PSD4: variants seen among roughly 807,000 people sequenced by gnomAD.
PSD4 encodes the protein PH and SEC7 domain-containing protein 4.
PSD4 carries 59 observed loss-of-function variants against 112.5 expected under a neutral mutation model. The ratio of observed to expected loss-of-function variants is 0.52; its 90% confidence interval spans 0.43 to 0.65. PSD4 has a LOEUF of 0.65. Among genes scored for constraint, PSD4 ranks in the 30% least tolerant of loss-of-function variants. The probability of loss-of-function intolerance (pLI) is 0.00; values close to 1 mark genes in which losing one functional copy is unlikely to be tolerated. For missense variants in PSD4, 1,267 were observed against 1,352.6 expected, an observed-to-expected ratio of 0.94 and a Z score of 0.99; for synonymous variants, 533 against 540.0, an observed-to-expected ratio of 0.99 and a Z score of 0.18.
In PSD4 at chr2:113,183,422, G is replaced by A; in HGVS notation, c.966G>A (p.Val322=). 6.3e-7 allele frequency: 1 copy of A among 1,576,084 alleles called. No individual in the cohort carries two copies. Among genetic ancestry groups the A allele is most frequent in the Non-Finnish European group, 8.6e-7 (1 of 1,162,762 alleles). The stretch of plus-strand genomic sequence containing the variant: ...GGCATTGTACCCCTCCATTCCCTGT[G>A]CCCATCTATAAACCACACTCCATCT... ...ISGHCTPPFP[V]PIYKPHSICW... The change falls in exon 2 of 17, where the codon GTG becomes GTA. Residue 322 remains valine (V), a synonymous_variant. Transcript: ENST00000245796.
chr2:113,208,309 T>C lies in PSD4; in HGVS notation c.*6894T>C, dbSNP rs764438723. ...TCTAAGCCTTCAACTCTCATCTCTG[T>C]TCTGAATTTCAGACCTGGAATTCTA... On this transcript the variant is annotated 3_prime_UTR_variant, in exon 17 of 17. Transcript: ENST00000245796. 6.6e-6 allele frequency: 1 copy of C among 152,246 alleles called. No homozygotes were observed. Among genetic ancestry groups the C allele is most frequent in the Non-Finnish European group, 1.5e-5 (1 of 68,046 alleles). 9.4% of individuals were successfully genotyped at this position (152,246 alleles called of 1,614,324 possible). A position where few individuals can be genotyped will look rare whatever the true frequency, so the allele number is the denominator to read the frequency against.
intron 5 of PSD4, among the ~76,000 whole-genome samples, chr2:113,187,663 G>A (rs1488811854): frequency 2.6e-5 from 4 of 152,088 alleles, no homozygotes; most frequent in East Asian, 1.9e-4. Context: ...CCCCCACAAC[G>A]TCACAATCAG....
chr2:113,187,810 C>T (rs1688339691), intron 5 of PSD4, among the ~76,000 whole-genome samples: 1 of 152,248 alleles, frequency 6.6e-6, no homozygotes, highest in Non-Finnish European at 1.5e-5. Context: ...CCCTCTCCAC[C>T]TAACACAGAC....
At chr2:113,184,656 A>T (rs547599780) in intron 2 of PSD4, among the ~76,000 whole-genome samples, 3 of 152,254 alleles carry the variant, frequency 2.0e-5, no homozygotes, top group South Asian at 4.1e-4. Context: ...TAAGTGAGCC[A>T]CTGCGCCCGC....
At chr2:113,185,486 T>G (rs45592842) in intron 4 of PSD4, 46 bp downstream of exon 4, 115,935 of 1,613,490 alleles carry the variant, frequency 0.072, 4,731 homozygotes, top group Non-Finnish European at 0.083. Context: ...CTGGGAGGAT[T>G]TGGAATTTGG....
chr2:113,200,805 T>C (rs1234373572), intron 16 of PSD4, among the ~76,000 whole-genome samples: 4 of 152,156 alleles, frequency 2.6e-5, no homozygotes, highest in African/African-American at 9.7e-5. Flanking sequence ...GCTGTACAGA[T>C]GTGAGCTGTT....
At chr2:113,185,848 T>G in intron 4 of PSD4, 29 bp from the exon 5 acceptor site, 1 of 1,595,090 alleles carries the variant, frequency 6.3e-7, no homozygotes, top group Admixed American at 1.8e-5. Flanking sequence ...TCCTGCCCTG[T>G]GCCCGCCTCA....
Position 113,198,452 on chromosome 2 carries a change from A to G in PSD4, c.2625-288A>G, listed in dbSNP as rs957427033. The G allele has an allele frequency of 8.9e-6, 3 of 338,500 alleles. No individual in the cohort carries two copies. In the East Asian group the frequency reaches 1.4e-4, roughly 16 times the overall value. 21.0% of individuals were successfully genotyped at this position (338,500 alleles called of 1,614,324 possible). A position where few individuals can be genotyped will look rare whatever the true frequency, so the allele number is the denominator to read the frequency against. On this transcript the variant is annotated intron_variant, in intron 14 of 16. Coordinates refer to ENST00000245796, the MANE Select transcript of PSD4 (RefSeq NM_012455.3). The stretch of plus-strand genomic sequence containing the variant: ...GCGCCTGGCTAATTTGTGTATTTTT[A>G]GTAGAGACGGGGTTTCACCCTGTTG...
At chr2:113,195,842 C>A (rs184255928) in intron 11 of PSD4, 72 bp downstream of exon 11, 74 of 1,582,230 alleles carry the variant, frequency 4.7e-5, no homozygotes, top group Non-Finnish European at 6.3e-5. Context: ...CCCTCTGTCA[C>A]CCACCCGAGA....
At chr2:113,201,123 G>T (rs759364817) in intron 16 of PSD4, 35 bp from the exon 17 acceptor site, 2 of 1,570,184 alleles carry the variant, frequency 1.3e-6, no homozygotes, top group African/African-American at 1.3e-5. Context: ...CTGGAGCCAG[G>T]ATGGTGCTAA....
chr2:113,200,748 T>C (rs45620441), intron 16 of PSD4, among the ~76,000 whole-genome samples: 2,588 of 152,332 alleles, frequency 0.017, 81 homozygotes, highest in African/African-American at 0.058. Context: ...GTTAGCATCA[T>C]GCTCCACAGA....
Position 113,209,194 on chromosome 2 carries a change from G to A in PSD4, c.*7779G>A, listed in dbSNP as rs921625728. ...CCTTTCAGTTGACCACTAAGAGACT[G>A]AAGGCCAATTCCGGATCAACTTTAC... On this transcript the variant is annotated 3_prime_UTR_variant, in exon 17 of 17. Coordinates refer to ENST00000245796, the MANE Select transcript of PSD4 (RefSeq NM_012455.3). 2 of 152,192 alleles carry A rather than the reference G, an allele frequency of 1.3e-5. No individual in the cohort carries two copies. The highest frequency in any genetic ancestry group is 2.9e-5 in the Non-Finnish European group (2 of 68,042). The allele number at this position is 152,192 out of a possible 1,614,324, so 9.4% of individuals were successfully genotyped here. A position where few individuals can be genotyped will look rare whatever the true frequency, so the allele number is the denominator to read the frequency against.
intron 5 of PSD4, among the ~76,000 whole-genome samples, chr2:113,186,642 TGTG>T (rs1370230706): frequency 6.6e-6 from 1 of 152,124 alleles, no homozygotes; most frequent in East Asian, 1.9e-4. Context: ...GAGCTTGTAA[TGTG>T]GGGATTATGG....
rs779269064 is a variant in PSD4, at chr2:113,197,751, G to A, written c.2462G>A (p.Gly821Glu). The A allele has an allele frequency of 5.0e-6, 8 of 1,608,234 alleles. No individual in the cohort carries two copies. In the East Asian group the frequency reaches 1.1e-4, roughly 22 times the overall value. The change falls in exon 14 of 17, where the codon GGA (glycine) becomes GAA (glutamate). Residue 821 changes from glycine (G) to glutamate (E), a missense_variant. By Grantham distance (98) the Gly-to-Glu change is moderately conservative. This residue lies in a region of PSD4 where 544 missense variants were observed against 648.6 expected (regional missense o/e 0.84). Coordinates refer to ENST00000245796, the MANE Select transcript of PSD4 (RefSeq NM_012455.3). ...CTGAGCCCCTGTGACTGGTAGCAGG[G>A]AGAAGACCACTGTCTGGAGGGGGAG... ...RGMVLYFLKQ[G>E]EDHCLEGESL...
At position 113,201,164 on chromosome 2, in the gene PSD4, C is replaced by T. The variant is rs1266270394; in HGVS notation, c.2920C>T (p.Arg974Cys). The part of the protein sequence containing the change: ...RKEYLEYEKT[R>C]YETYVQLLVA... Reference sequence around the variant, plus strand: ...TGGGGCCTGTGTGTTGCAGAAAACCCGCTACGAGACCTACGTGCAGCTGCT... The same window carrying T: ...TGGGGCCTGTGTGTTGCAGAAAACCTGCTACGAGACCTACGTGCAGCTGCT... Residue 974 changes from arginine to cysteine, a missense_variant, in exon 17 of 17, where the codon CGC (arginine) becomes TGC (cysteine). Coordinates refer to ENST00000245796, the MANE Select transcript of PSD4 (RefSeq NM_012455.3). 4 of 1,609,746 alleles carry T rather than the reference C, an allele frequency of 2.5e-6. No individual in the cohort carries two copies. Among genetic ancestry groups the T allele is most frequent in the South Asian group, 2.2e-5 (2 of 90,756 alleles).
intron 12 of PSD4, chr2:113,196,512 A>G (rs1459473700): frequency 1.7e-6 from 1 of 575,128 alleles, no homozygotes; most frequent in African/African-American, 1.9e-5. Flanking sequence ...GAGAACCCAG[A>G]CAAAACAGGC....
At position 113,203,746 on chromosome 2, in the gene PSD4, G is replaced by T. The variant is rs1379418048; in HGVS notation, c.*2331G>T. 1.3e-5 allele frequency: 2 copies of T among 151,800 alleles called. No individual in the cohort carries two copies. The highest frequency in any genetic ancestry group is 2.4e-5 in the African/African-American group (1 of 41,298). The allele number at this position is 151,800 out of a possible 1,614,324, so 9.4% of individuals were successfully genotyped here. ...GGCTATTTTTTGTATTTTTAGTAGAGATGGGGTTTCGTCATGTTGGCTAGG... is the reference window on the plus strand; with the variant it reads ...GGCTATTTTTTGTATTTTTAGTAGATATGGGGTTTCGTCATGTTGGCTAGG... On this transcript the variant is annotated 3_prime_UTR_variant, in exon 17 of 17. Coordinates refer to ENST00000245796, the MANE Select transcript of PSD4 (RefSeq NM_012455.3).
chr2:113,197,338 A>G (rs1218693523), intron 12 of PSD4: 1 of 599,192 alleles, frequency 1.7e-6, no homozygotes, highest in Non-Finnish European at 3.0e-6. Flanking sequence ...GAGTGGTTCT[A>G]TGGTTTTGTT....
Position 113,199,182 on chromosome 2 carries a change from G to A in PSD4, c.2869G>A (p.Glu957Lys), listed in dbSNP as rs767469013. 2.0e-4 allele frequency: 309 copies of A among 1,523,094 alleles called. 1 individual carries two copies. In the Middle Eastern group the frequency reaches 3.1e-3, roughly 15 times the overall value. 94.3% of individuals were successfully genotyped at this position (1,523,094 alleles called of 1,614,324 possible). A position where few individuals can be genotyped will look rare whatever the true frequency, so the allele number is the denominator to read the frequency against. ...GCCGGAGCGGCGGGGCCGTGGCCGC[G>A]AGCTGGAGGAGCACCGCCTGCGGAA... is the stretch of plus-strand genomic sequence containing the variant. The part of the protein sequence containing the change: ...NLPERRGRGR[E>K]LEEHRLRKEY... Residue 957 changes from glutamate (E) to lysine (K), a missense_variant, in exon 16 of 17, where the codon GAG (glutamate) becomes AAG (lysine). Glu to Lys is a moderately conservative substitution (Grantham distance 56). Around this residue, in one of 2 missense-constraint regions of PSD4, gnomAD observed 544 missense variants for 648.6 expected, o/e 0.84. Coordinates refer to ENST00000245796, the MANE Select transcript of PSD4 (RefSeq NM_012455.3).
Sources: allele counts gnomAD v4.1 joint callset (sites outside exome capture counted in the v4.1 genomes callset), GRCh38; gene constraint gnomAD v4.1.1; regional missense constraint gnomAD v4.1.1; transcripts MANE v1.5; gene names NCBI Gene and HGNC (gene_info 2026-07-23, HGNC 2026-07-21).